The following CA10 variants were observed in gnomAD, a reference collection of about 807,000 sequenced individuals.
CA10 encodes the protein carbonic anhydrase-related protein 10.
CA10 carries 14 observed loss-of-function variants against 44.2 expected under a neutral mutation model. The ratio of observed to expected loss-of-function variants is 0.32; its 90% CI spans 0.21 to 0.50. The LOEUF is 0.50. CA10 is among the 20% of genes least tolerant of loss of function. The probability of loss-of-function intolerance (pLI) is 0.99; values close to 1 mark genes in which losing one functional copy is unlikely to be tolerated. For missense variants in CA10, 350 were observed against 409.7 expected (o/e 0.85, Z 1.26); for synonymous variants, 159 against 141.6 (o/e 1.12, Z -0.87).
At chr17:52,010,687 G>A (rs1172992172) in intron 2 of CA10, among the ~76,000 whole-genome samples, 1 of 151,854 alleles carries the variant, frequency 6.6e-6, no homozygotes, top group African/African-American at 2.4e-5. Flanking sequence ...CTTGGGTGAT[G>A]GGTACACCAA....
At chr17:51,989,412 T>C (rs1401310681) in intron 2 of CA10, among the ~76,000 whole-genome samples, 1 of 151,958 alleles carries the variant, frequency 6.6e-6, no homozygotes. Flanking sequence ...TGAGAACATG[T>C]GGTATTTGGT....
intron 3 of CA10, among the ~76,000 whole-genome samples, chr17:51,783,808 C>A (rs1163296554): frequency 6.6e-6 from 1 of 152,068 alleles, no homozygotes; most frequent in Admixed American, 6.6e-5. Context: ...TGCAGTGGGA[C>A]CAGGAGGCTG....
intron 2 of CA10, among the ~76,000 whole-genome samples, chr17:51,955,941 C>T (rs560760621): frequency 9.9e-5 from 15 of 152,060 alleles, no homozygotes; most frequent in Non-Finnish European, 2.1e-4. Flanking sequence ...ACGTGTATAC[C>T]TATGTAACAA....
chr17:52,088,359 T>C (rs888450040), intron 1 of CA10, among the ~76,000 whole-genome samples: 2 of 152,222 alleles, frequency 1.3e-5, no homozygotes, highest in Admixed American at 1.3e-4. Flanking sequence ...CATGCAGTCA[T>C]TCTACCTAAG....
At chr17:51,928,111 T>A (rs1428718807) in intron 3 of CA10, among the ~76,000 whole-genome samples, 1 of 152,170 alleles carries the variant, frequency 6.6e-6, no homozygotes, top group Non-Finnish European at 1.5e-5. Context: ...GATACTTGCA[T>A]ATATCTAATG....
intron 4 of CA10, among the ~76,000 whole-genome samples, chr17:51,730,703 A>T (rs1421174373): frequency 6.6e-6 from 1 of 152,220 alleles, no homozygotes; most frequent in African/African-American, 2.4e-5. Context: ...TGAGCACAAA[A>T]ATTAAATAAT....
chr17:51,970,409 T>C (rs1188450152), intron 2 of CA10, among the ~76,000 whole-genome samples: 2 of 151,976 alleles, frequency 1.3e-5, no homozygotes, highest in African/African-American at 4.8e-5. Flanking sequence ...CTCTTACACA[T>C]GAGGAATAAA....
At chr17:51,869,379 C>T (rs1281838827) in intron 3 of CA10, among the ~76,000 whole-genome samples, 1 of 152,152 alleles carries the variant, frequency 6.6e-6, no homozygotes, top group African/African-American at 2.4e-5. Flanking sequence ...TCACTTTGTG[C>T]TGGGGGCTGA....
At chr17:52,019,825 AACATTTGGGAAT>A (rs1372211222) in intron 2 of CA10, among the ~76,000 whole-genome samples, 3 of 151,998 alleles carry the variant, frequency 2.0e-5, no homozygotes, top group Non-Finnish European at 4.4e-5. Flanking sequence ...CTAATTTTCC[AACATTTGGGAAT>A]ACATTTGGGA....
At chr17:51,654,514 G>T (rs1913711014) in intron 4 of CA10, among the ~76,000 whole-genome samples, 2 of 151,810 alleles carry the variant, frequency 1.3e-5, no homozygotes, top group African/African-American at 2.4e-5. Context: ...TCATCTCAGG[G>T]CTGTGATTTT....
At chr17:51,790,283 G>T (rs1030495999) in intron 3 of CA10, among the ~76,000 whole-genome samples, 1 of 152,300 alleles carries the variant, frequency 6.6e-6, no homozygotes, top group Admixed American at 6.5e-5. Flanking sequence ...GATGCGAAGA[G>T]AAGGGAACTC....
At chr17:52,119,807 A>G (rs1430522207) in intron 1 of CA10, among the ~76,000 whole-genome samples, 2 of 152,232 alleles carry the variant, frequency 1.3e-5, no homozygotes, top group Non-Finnish European at 2.9e-5. Flanking sequence ...ATTATGTTCC[A>G]AAACTTAGAC....
At chr17:52,029,215 A>T (rs886374333) in intron 2 of CA10, among the ~76,000 whole-genome samples, 2 of 152,192 alleles carry the variant, frequency 1.3e-5, no homozygotes, top group Non-Finnish European at 2.9e-5. Context: ...CTATAACCCA[A>T]GAAGGAACCC....
chr17:51,957,446 G>A (rs1486537629), intron 2 of CA10, among the ~76,000 whole-genome samples: 2 of 140,166 alleles, frequency 1.4e-5, no homozygotes, highest in East Asian at 2.1e-4. Flanking sequence ...TTTTTTTTTT[G>A]TAAAGAGAGA....
intron 3 of CA10, among the ~76,000 whole-genome samples, chr17:51,863,295 A>T (rs941913012): frequency 2.6e-5 from 4 of 152,164 alleles, no homozygotes; most frequent in African/African-American, 9.7e-5. Flanking sequence ...TCCATTACCT[A>T]GCCCCTGCCT....
At chr17:52,143,047 C>T (rs1247261810) in intron 1 of CA10, among the ~76,000 whole-genome samples, 1 of 152,154 alleles carries the variant, frequency 6.6e-6, no homozygotes, top group Non-Finnish European at 1.5e-5. Flanking sequence ...ACTATAATTA[C>T]ATTTGTCATC....
chr17:51,819,948 C>G (rs1295872282), intron 3 of CA10, among the ~76,000 whole-genome samples: 1 of 152,044 alleles, frequency 6.6e-6, no homozygotes, highest in African/African-American at 2.4e-5. Flanking sequence ...CCCTCTCTGT[C>G]TCTCCCTTTG....
intron 3 of CA10, among the ~76,000 whole-genome samples, chr17:51,893,675 A>C (rs1980954642): frequency 6.6e-6 from 1 of 152,184 alleles, no homozygotes; most frequent in Non-Finnish European, 1.5e-5. Flanking sequence ...TTGTACGAAC[A>C]ATAGACACCA....
intron 2 of CA10, among the ~76,000 whole-genome samples, chr17:51,988,916 C>CA (rs1410161553): frequency 6.6e-6 from 1 of 151,968 alleles, no homozygotes; most frequent in African/African-American, 2.4e-5. Context: ...AGCTATTTCA[C>CA]CTTTTTTTGG....
Sources: gnomAD v4.1 joint callset for allele counts (sites outside exome capture counted in the v4.1 genomes callset) on GRCh38, gnomAD v4.1.1 for gene constraint, MANE v1.5 for transcripts, NCBI Gene and HGNC (gene_info 2026-07-23, HGNC 2026-07-21) for gene names.